The following GRID2 variants were observed in gnomAD, a reference collection of about 807,000 sequenced individuals.
GRID2 encodes glutamate receptor ionotropic, delta-2.
GRID2 carries 33 observed loss-of-function variants against 114.8 expected under a neutral mutation model. That is an observed-to-expected ratio of 0.29 (90% CI 0.22 to 0.38). The LOEUF is 0.38. Among genes scored for constraint, GRID2 ranks in the 10% least tolerant of loss-of-function variants. GRID2 has a pLI of 1.00. For missense variants in GRID2, 1,184 were observed against 1,257.7 expected, an observed-to-expected ratio of 0.94 and a Z score of 0.89; for synonymous variants, 505 against 449.9, an observed-to-expected ratio of 1.12 and a Z score of -1.55.
intron 1 of GRID2, among the ~76,000 whole-genome samples, chr4:92,353,886 CCT>C (rs1728191193): frequency 6.6e-6 from 1 of 151,968 alleles, no homozygotes; most frequent in Non-Finnish European, 1.5e-5. Flanking sequence ...AAGAAAATTC[CCT>C]CTCAGATTTT....
intron 11 of GRID2, among the ~76,000 whole-genome samples, chr4:93,463,719 G>A (rs994615610): frequency 3.3e-5 from 5 of 151,860 alleles, no homozygotes; most frequent in Non-Finnish European, 7.4e-5. Context: ...GCTGGGCGCG[G>A]TGGCTCACGC....
At chr4:92,984,731 T>G (rs1754404297) in intron 2 of GRID2, among the ~76,000 whole-genome samples, 1 of 152,132 alleles carries the variant, frequency 6.6e-6, no homozygotes, top group Non-Finnish European at 1.5e-5. Context: ...CATTGCACAT[T>G]GTGTTTGGTC....
intron 2 of GRID2, among the ~76,000 whole-genome samples, chr4:92,961,034 A>G (rs1248748554): frequency 6.6e-6 from 1 of 151,924 alleles, no homozygotes; most frequent in Non-Finnish European, 1.5e-5. Context: ...CAGGTACCTT[A>G]CAATAACTCC....
chr4:93,378,256 T>A (rs972838127), intron 8 of GRID2, among the ~76,000 whole-genome samples: 1 of 152,156 alleles, frequency 6.6e-6, no homozygotes, highest in African/African-American at 2.4e-5. Flanking sequence ...AACTTAAATT[T>A]AGATTTCAAT....
intron 2 of GRID2, among the ~76,000 whole-genome samples, chr4:93,000,276 G>A (rs1755457985): frequency 6.6e-6 from 1 of 151,622 alleles, no homozygotes; most frequent in African/African-American, 2.4e-5. Context: ...CTATTAGCCA[G>A]GGTCTTTACA....
intron 2 of GRID2, among the ~76,000 whole-genome samples, chr4:92,722,718 A>G (rs1026722695): frequency 6.6e-6 from 1 of 152,016 alleles, no homozygotes; most frequent in Non-Finnish European, 1.5e-5. Context: ...GAAAAATAAC[A>G]CCCTAGAATT....
At chr4:92,497,343 A>C (rs780045496) in intron 1 of GRID2, among the ~76,000 whole-genome samples, 1 of 151,866 alleles carries the variant, frequency 6.6e-6, no homozygotes, top group Non-Finnish European at 1.5e-5. Context: ...AGGTTTTACC[A>C]TCTGTGTGTA....
chr4:92,444,261 C>T (rs955793731), intron 1 of GRID2, among the ~76,000 whole-genome samples: 3 of 152,140 alleles, frequency 2.0e-5, no homozygotes, highest in African/African-American at 7.2e-5. Context: ...GACACATCTG[C>T]TTATTTCACC....
At chr4:93,403,615 A>C (rs186397204) in intron 9 of GRID2, among the ~76,000 whole-genome samples, 1 of 152,292 alleles carries the variant, frequency 6.6e-6, no homozygotes, top group Admixed American at 6.5e-5. Context: ...GTCAGTAAGC[A>C]AATGAAGAGA....
intron 13 of GRID2, among the ~76,000 whole-genome samples, chr4:93,570,920 T>C (rs2149579195): frequency 6.6e-6 from 1 of 152,260 alleles, no homozygotes; most frequent in East Asian, 1.9e-4. Flanking sequence ...AATGGAGGCA[T>C]AAAATCCCTA....
chr4:92,634,859 C>CAGAG (rs71682478), intron 2 of GRID2, among the ~76,000 whole-genome samples: 1 of 143,124 alleles, frequency 7.0e-6, no homozygotes, highest in Admixed American at 7.1e-5. Context: ...TGCAGAGAGA[C>CAGAG]AGAGAGAGAG....
chr4:93,235,605 C>G (rs1363239555), intron 7 of GRID2, among the ~76,000 whole-genome samples: 4 of 152,108 alleles, frequency 2.6e-5, no homozygotes, highest in Non-Finnish European at 5.9e-5. Flanking sequence ...GCTCGAAATA[C>G]TGACCTCTGA....
intron 13 of GRID2, among the ~76,000 whole-genome samples, chr4:93,593,848 G>A (rs979670963): frequency 7.9e-5 from 12 of 151,686 alleles, no homozygotes; most frequent in East Asian, 1.9e-4. Flanking sequence ...TGATCGCATC[G>A]GCTCCTGAGG....
At chr4:92,625,659 A>G (rs990660773) in intron 2 of GRID2, among the ~76,000 whole-genome samples, 1 of 151,840 alleles carries the variant, frequency 6.6e-6, no homozygotes, top group Non-Finnish European at 1.5e-5. Context: ...AATTGAAAAT[A>G]ACAATATTAG....
intron 3 of GRID2, among the ~76,000 whole-genome samples, chr4:93,106,620 G>T (rs1376154978): frequency 6.6e-6 from 1 of 152,196 alleles, no homozygotes; most frequent in Non-Finnish European, 1.5e-5. Flanking sequence ...ACTGCACCCA[G>T]AGTACTCTCT....
At position 93,281,730 on chromosome 4, in the gene GRID2, C is replaced by T. The variant is rs142240563; in HGVS notation, c.1245+43240C>T. Among the ~76,000 whole-genome samples, 214 of 152,090 alleles carry T rather than the reference C, an allele frequency of 1.4e-3. 1 individual carries two copies. The highest frequency in any genetic ancestry group is 2.6e-3 in the Non-Finnish European group (176 of 67,962). On this transcript the variant is annotated intron_variant, in intron 8 of 15. Coordinates refer to ENST00000282020, the MANE Select transcript of GRID2 (RefSeq NM_001510.4). ...AAATATGTAATATAAGAAGTTCCTT[C>T]TTGCTTAAAATTCCTCATTCTACAT... is the stretch of plus-strand genomic sequence containing the variant.
At chr4:93,714,098 A>C in intron 14 of GRID2, among the ~76,000 whole-genome samples, 2 of 149,830 alleles carry the variant, frequency 1.3e-5, no homozygotes, top group African/African-American at 2.5e-5. Context: ...TTCCTCCCCC[A>C]CCCCCAACAG....
intron 2 of GRID2, among the ~76,000 whole-genome samples, chr4:92,888,079 C>T (rs973666274): frequency 3.3e-5 from 5 of 152,042 alleles, no homozygotes; most frequent in African/African-American, 1.2e-4. Context: ...TATGATGCAG[C>T]CTATATGGTG....
chr4:93,310,029 C>T (rs2149185298), intron 8 of GRID2, among the ~76,000 whole-genome samples: 1 of 152,260 alleles, frequency 6.6e-6, no homozygotes, highest in South Asian at 2.1e-4. Flanking sequence ...CTTCTTCTGG[C>T]TCCCCTGATA....
Sources: allele counts gnomAD v4.1 joint callset (sites outside exome capture counted in the v4.1 genomes callset), GRCh38; gene constraint gnomAD v4.1.1; transcripts MANE v1.5; gene names NCBI Gene and HGNC (gene_info 2026-07-23, HGNC 2026-07-21).